Variants in SLC22A16 observed in about 807,000 individuals in gnomAD.
The protein encoded by SLC22A16 is WUGSC:RG331P03.1.
In SLC22A16, 53 loss-of-function variants were observed where a neutral mutation model predicts 52.9. That is an observed-to-expected ratio of 1.00 (90% confidence interval 0.80 to 1.26). The LOEUF (loss-of-function observed/expected upper bound fraction) is 1.26, where lower values mean the gene tolerates loss of function less well. Among genes scored for constraint, SLC22A16 ranks in the 50% most tolerant of loss-of-function variants. The probability of loss-of-function intolerance (pLI) is 0.00; values close to 1 mark genes in which losing one functional copy is unlikely to be tolerated. For synonymous variants in SLC22A16, 291 were observed against 268.8 expected (o/e 1.08, Z -0.81); for missense variants, 726 against 704.0 (o/e 1.03, Z -0.35).
rs746043200 is a variant in SLC22A16 at position 110,456,646 on chromosome 6, G to T, written c.425C>A (p.Thr142Asn). 2 of 1,614,144 alleles carry T rather than the reference G, an allele frequency of 1.2e-6. No homozygotes were observed. Among genetic ancestry groups the T allele is most frequent in the Admixed American group, 1.7e-5 (1 of 60,006 alleles). Reference sequence around the variant, plus strand: ...TCGGTCACAGACCAGGTTCCACTGGGTCACCGCAGTGCTTTTCCATGTGTT... The same window carrying T: ...TCGGTCACAGACCAGGTTCCACTGGTTCACCGCAGTGCTTTTCCATGTGTT... Reference protein sequence around the residue: ...DQNTWKSTAVTQWNLVCDRKW... With the variant: ...DQNTWKSTAVNQWNLVCDRKW... The change falls in exon 2 of 8, where the codon ACC becomes AAC. Residue 142 changes from threonine (T) to asparagine (N), a missense_variant. Transcript: ENST00000368919.
At chr6:110,463,078 G>C (rs935930560) in intron 1 of SLC22A16, among the ~76,000 whole-genome samples, 2 of 151,898 alleles carry the variant, frequency 1.3e-5, no homozygotes, top group East Asian at 3.9e-4. Flanking sequence ...CAAACACTAA[G>C]GGAATTAATC....
intron 1 of SLC22A16, among the ~76,000 whole-genome samples, chr6:110,465,275 A>G (rs564275128): frequency 6.6e-6 from 1 of 152,230 alleles, no homozygotes; most frequent in Non-Finnish European, 1.5e-5. Context: ...TAAATAGCAC[A>G]GTACTAGAAG....
intron 1 of SLC22A16, among the ~76,000 whole-genome samples, chr6:110,469,581 T>G (rs984645677): frequency 6.6e-6 from 1 of 152,140 alleles, no homozygotes; most frequent in African/African-American, 2.4e-5. Context: ...TTATATTGGA[T>G]CATACTTTAA....
intron 2 of SLC22A16, among the ~76,000 whole-genome samples, chr6:110,451,624 T>C (rs943733329): frequency 6.6e-6 from 1 of 152,212 alleles, no homozygotes; most frequent in Non-Finnish European, 1.5e-5. Context: ...CTTTTTCCCA[T>C]TGATGTAAGT....
At chr6:110,431,373 A>G in intron 6 of SLC22A16, 103 bp from the exon 7 acceptor site, 1 of 977,056 alleles carries the variant, frequency 1.0e-6, no homozygotes, top group Non-Finnish European at 1.6e-6. Context: ...CAGCAAGGAT[A>G]AGGGTGGTCA....
In SLC22A16 at chr6:110,442,273, C is replaced by G. The variant is rs747988898; in HGVS notation, c.1154G>C (p.Gly385Ala). 1.2e-6 allele frequency: 2 copies of G among 1,614,068 alleles called. No individual in the cohort carries two copies. Among genetic ancestry groups the G allele is most frequent in the Admixed American group, 3.3e-5 (2 of 60,008 alleles). Residue 385 changes from glycine to alanine, a missense_variant, in exon 4 of 8, where the codon GGC becomes GCC. Transcript: ENST00000368919. ...GAGGAAGAGGTTTAAGTATTCATTG[C>G]CTCCTAAGTTAACAGAATTCAAGGA... ...SFSLNSVNLG[G>A]NEYLNLFLLG... is the part of the protein sequence containing the mutation.
At chr6:110,433,220 C>T (rs756211145) in intron 6 of SLC22A16, among the ~76,000 whole-genome samples, 10 of 152,334 alleles carry the variant, frequency 6.6e-5, no homozygotes, top group Non-Finnish European at 1.5e-4. Context: ...TTCTATACCC[C>T]TGGTCACATA....
chr6:110,449,428 C>T (rs1775291517), intron 2 of SLC22A16, among the ~76,000 whole-genome samples: 1 of 152,064 alleles, frequency 6.6e-6, no homozygotes, highest in South Asian at 2.1e-4. Flanking sequence ...AGTTGCTCTT[C>T]TCTGCTTTAA....
At chr6:110,427,438 C>G (rs3818100) in intron 7 of SLC22A16, among the ~76,000 whole-genome samples, 2 of 151,810 alleles carry the variant, frequency 1.3e-5, no homozygotes, top group Non-Finnish European at 2.9e-5. Flanking sequence ...TAGTATCTGT[C>G]GCAAACGACT....
At chr6:110,455,380 A>G (rs1775608378) in intron 2 of SLC22A16, 1 of 152,150 alleles carries the variant, frequency 6.6e-6, no homozygotes. Flanking sequence ...CACCTTTGAC[A>G]TACTATGAGA....
chr6:110,462,043 CAGG>C (rs538946141), intron 1 of SLC22A16, among the ~76,000 whole-genome samples: 7 of 152,202 alleles, frequency 4.6e-5, no homozygotes, highest in Admixed American at 1.3e-4. Context: ...TGGATGGCAA[CAGG>C]CAAAGAGAGA....
chr6:110,470,435 C>T (rs951712738), intron 1 of SLC22A16, among the ~76,000 whole-genome samples: 4 of 152,150 alleles, frequency 2.6e-5, no homozygotes, highest in African/African-American at 9.7e-5. Flanking sequence ...AACAGCTCCA[C>T]CACTGAAAAG....
In SLC22A16 at chr6:110,442,302, C is replaced by A. The variant is rs149948718; in HGVS notation, c.1125G>T (p.Ser375=). ...CTAAGTTAACAGAATTCAAGGAAAA[C>A]GAGTAGAATCCCAAACTTCCAGTGA... The part of the protein sequence containing the change: ...IWFTGSLGFY[S]FSLNSVNLGG... The change falls in exon 4 of 8, where the codon TCG becomes TCT. Residue 375 remains serine, a synonymous_variant. Transcript: ENST00000368919. 2 of 1,614,136 alleles carry A rather than the reference C, an allele frequency of 1.2e-6. No homozygotes were observed. The highest frequency in any genetic ancestry group is 4.5e-5 in the East Asian group (2 of 44,872).
chr6:110,437,491 A>G (rs1774780719), intron 5 of SLC22A16, among the ~76,000 whole-genome samples: 1 of 152,104 alleles, frequency 6.6e-6, no homozygotes, highest in Non-Finnish European at 1.5e-5. Context: ...TGTATCAATC[A>G]CCTGGAAATT....
chr6:110,463,514 T>TAAAAAAAAAAAAAAAAAAAAAAAAAAAA (rs386408237), intron 1 of SLC22A16, among the ~76,000 whole-genome samples: 1 of 53,270 alleles, frequency 1.9e-5, no homozygotes, highest in African/African-American at 7.8e-5. Context: ...GTAACAACAG[T>TAAAAAAAAAAAAAAAAAAAAAAAAAAAA]AAAAAAAAAA....
chr6:110,446,497 T>TAA (rs1775176702), intron 3 of SLC22A16, among the ~76,000 whole-genome samples: 1 of 152,140 alleles, frequency 6.6e-6, no homozygotes, highest in Non-Finnish European at 1.5e-5. Flanking sequence ...TGCCCTCCTG[T>TAA]TTTCATTCTT....
intron 1 of SLC22A16, among the ~76,000 whole-genome samples, chr6:110,458,733 T>C (rs1006306467): frequency 3.3e-5 from 5 of 152,214 alleles, no homozygotes; most frequent in Non-Finnish European, 7.4e-5. Flanking sequence ...ACTTGAGGGC[T>C]TGAATAAAAC....
intron 6 of SLC22A16, 136 bp from the exon 7 acceptor site, chr6:110,431,406 G>A (rs768370869): frequency 2.1e-5 from 14 of 659,956 alleles, no homozygotes; most frequent in Non-Finnish European, 3.7e-5. Context: ...CAACGTTTCA[G>A]TCAACCTCGG....
At chr6:110,453,316 G>A (rs192569196) in intron 2 of SLC22A16, among the ~76,000 whole-genome samples, 2 of 152,228 alleles carry the variant, frequency 1.3e-5, no homozygotes, top group East Asian at 3.9e-4. Context: ...TCTCACTCAT[G>A]GTCCCTTTTA....
Sources: gnomAD v4.1 joint callset for allele counts (sites outside exome capture counted in the v4.1 genomes callset) on GRCh38, gnomAD v4.1.1 for gene constraint, MANE v1.5 for transcripts, NCBI Gene and HGNC (gene_info 2026-07-23, HGNC 2026-07-21) for gene names.